SNTG1: variants seen among roughly 807,000 people sequenced by gnomAD.
SNTG1 encodes gamma-1-syntrophin.
A neutral mutation model predicts 74.7 loss-of-function variants in SNTG1; 39 were observed. The observed-to-expected ratio is 0.52, with a 90% CI of 0.40 to 0.68. The LOEUF (loss-of-function observed/expected upper bound fraction) is 0.68, where lower values mean the gene tolerates loss of function less well. Among genes scored for constraint, SNTG1 ranks in the 30% least tolerant of loss-of-function variants. The pLI is 0.00. For missense variants in SNTG1, 685 were observed against 609.5 expected (o/e 1.12, Z -1.30); for synonymous variants, 254 against 217.1 (o/e 1.17, Z -1.49).
At chr8:50,745,124 T>C (rs186363545) in intron 17 of SNTG1, among the ~76,000 whole-genome samples, 1 of 152,080 alleles carries the variant, frequency 6.6e-6, no homozygotes, top group African/African-American at 2.4e-5. Flanking sequence ...ACCCACAGAA[T>C]GGAAGAATGT....
chr8:50,773,347 A>G (rs181735445), intron 18 of SNTG1, among the ~76,000 whole-genome samples: 67 of 152,230 alleles, frequency 4.4e-4, no homozygotes, highest in African/African-American at 1.6e-3. Context: ...AGCTATGCAC[A>G]TGATGAGAAA....
At chr8:50,653,225 C>G (rs990427908) in intron 13 of SNTG1, among the ~76,000 whole-genome samples, 1 of 152,008 alleles carries the variant, frequency 6.6e-6, no homozygotes, top group African/African-American at 2.4e-5. Context: ...GATCAGCTCG[C>G]TTGAGGCCAG....
chr8:50,106,279 A>T (rs2080367817), intron 1 of SNTG1, among the ~76,000 whole-genome samples: 1 of 152,090 alleles, frequency 6.6e-6, no homozygotes, highest in Non-Finnish European at 1.5e-5. Context: ...ACACAGTTTT[A>T]AATAATCAGA....
chr8:49,979,211 T>C (rs1007255565), intron 1 of SNTG1, among the ~76,000 whole-genome samples: 2 of 152,208 alleles, frequency 1.3e-5, no homozygotes, highest in African/African-American at 4.8e-5. Context: ...CGCAGACGCC[T>C]TTGGGGCGGT....
intron 13 of SNTG1, among the ~76,000 whole-genome samples, chr8:50,599,008 T>C (rs2094752932): frequency 6.6e-6 from 1 of 152,142 alleles, no homozygotes; most frequent in African/African-American, 2.4e-5. Context: ...TGTATATTTA[T>C]TGGGTGCAAG....
intron 4 of SNTG1, among the ~76,000 whole-genome samples, chr8:50,434,331 A>G (rs1403119233): frequency 6.6e-6 from 1 of 152,136 alleles, no homozygotes; most frequent in Non-Finnish European, 1.5e-5. Flanking sequence ...GCTATTGTGA[A>G]TAGTGCCACA....
intron 1 of SNTG1, among the ~76,000 whole-genome samples, chr8:50,065,207 T>C (rs777847170): frequency 1.5e-4 from 23 of 152,234 alleles, no homozygotes; most frequent in Non-Finnish European, 2.8e-4. Context: ...AATTGGATTA[T>C]GTTGCATAGT....
chr8:50,566,512 A>G (rs2130726614), intron 12 of SNTG1, among the ~76,000 whole-genome samples: 1 of 152,200 alleles, frequency 6.6e-6, no homozygotes, highest in Non-Finnish European at 1.5e-5. Context: ...ACACACACAC[A>G]CACTTGAAAT....
intron 4 of SNTG1, among the ~76,000 whole-genome samples, chr8:50,430,037 A>G (rs905614733): frequency 1.6e-4 from 24 of 152,132 alleles, no homozygotes; most frequent in Admixed American, 1.4e-3. Context: ...ACATTGAAAA[A>G]CAGTCTGACA....
At chr8:50,231,788 T>C (rs2085641793) in intron 2 of SNTG1, among the ~76,000 whole-genome samples, 2 of 151,414 alleles carry the variant, frequency 1.3e-5, no homozygotes, top group African/African-American at 2.4e-5. Context: ...GCTTTATTTT[T>C]TAAATCAGTA....
At chr8:50,504,587 T>G (rs2093990818) in intron 9 of SNTG1, among the ~76,000 whole-genome samples, 1 of 151,098 alleles carries the variant, frequency 6.6e-6, no homozygotes, top group Non-Finnish European at 1.5e-5. Flanking sequence ...AGCTCAGGAG[T>G]TCAAGACCAA....
At chr8:49,920,429 A>T (rs1806427025) in intron 1 of SNTG1, among the ~76,000 whole-genome samples, 1 of 152,046 alleles carries the variant, frequency 6.6e-6, no homozygotes, top group South Asian at 2.1e-4. Context: ...CAAAATTGAG[A>T]TTTAGGATCA....
intron 1 of SNTG1, among the ~76,000 whole-genome samples, chr8:49,963,022 C>T (rs183217614): frequency 3.3e-5 from 5 of 152,286 alleles, no homozygotes; most frequent in East Asian, 1.9e-4. Context: ...AGGCGGGAAG[C>T]GCAATCCAAG....
intron 17 of SNTG1, among the ~76,000 whole-genome samples, chr8:50,728,099 A>G (rs2095504453): frequency 6.6e-6 from 1 of 151,738 alleles, no homozygotes; most frequent in Non-Finnish European, 1.5e-5. Context: ...TCCTAAATCC[A>G]CCTCTTCGTT....
chr8:50,511,307 A>C (rs1300775798), intron 9 of SNTG1, among the ~76,000 whole-genome samples: 1 of 152,048 alleles, frequency 6.6e-6, no homozygotes, highest in Non-Finnish European at 1.5e-5. Flanking sequence ...CTGTTCTTTT[A>C]CATTTGCTGA....
intron 12 of SNTG1, among the ~76,000 whole-genome samples, chr8:50,553,797 T>C (rs773188507): frequency 3.3e-5 from 5 of 152,314 alleles, no homozygotes; most frequent in South Asian, 2.1e-4. Context: ...TTAATAATTC[T>C]ATGAGAAATA....
chr8:50,763,617 G>C (rs73575093), intron 18 of SNTG1, among the ~76,000 whole-genome samples: 13,769 of 146,242 alleles, frequency 0.094, 1,907 homozygotes, highest in African/African-American at 0.31. Flanking sequence ...GGTGTCTCCA[G>C]CTACACTCTT....
Position 50,423,602 on chromosome 8 carries a change from A to G in SNTG1, c.163-14941A>G, listed in dbSNP as rs376928029. Among the ~76,000 whole-genome samples the G allele has an allele frequency of 4.6e-5, 7 of 152,356 alleles. 2 individuals carry two copies. Among genetic ancestry groups the G allele is most frequent in the Admixed American group, 6.5e-5 (1 of 15,296 alleles). ...GCCATAGCAGAATGCTATCTGACAG[A>G]GAGATATTGTGGATATATTCACAAA... On this transcript the variant is annotated intron_variant, in intron 4 of 18. Transcript: ENST00000642720.
intron 13 of SNTG1, among the ~76,000 whole-genome samples, chr8:50,604,736 C>T (rs1427097222): frequency 6.6e-6 from 1 of 152,072 alleles, no homozygotes; most frequent in South Asian, 2.1e-4. Context: ...GGTGCTCTAC[C>T]CCATTGTGGC....
Sources: allele counts gnomAD v4.1 joint callset (sites outside exome capture counted in the v4.1 genomes callset), GRCh38; gene constraint gnomAD v4.1.1; transcripts MANE v1.5; gene names NCBI Gene and HGNC (gene_info 2026-07-23, HGNC 2026-07-21).